The following ZMAT4 variants were observed in gnomAD, a reference collection of about 807,000 sequenced individuals.
The protein encoded by ZMAT4 is zinc finger matrin-type protein 4.
Under a neutral mutation model 28.7 loss-of-function variants are expected in ZMAT4, and 17 were observed. The observed-to-expected ratio is 0.59, with a 90% confidence interval of 0.41 to 0.89. ZMAT4 has a LOEUF of 0.89. ZMAT4 is among the 40% of genes least tolerant of loss of function. The pLI is 0.00. For missense variants in ZMAT4, 240 were observed against 283.8 expected (o/e 0.85, Z 1.11); for synonymous variants, 117 against 109.2 (o/e 1.07, Z -0.44).
intron 3 of ZMAT4, among the ~76,000 whole-genome samples, chr8:40,709,968 G>A (rs1479146407): frequency 6.6e-6 from 1 of 151,538 alleles, no homozygotes; most frequent in East Asian, 1.9e-4. Context: ...AACCCCGGAG[G>A]TGGAGGTGGC....
intron 6 of ZMAT4, among the ~76,000 whole-genome samples, chr8:40,552,011 G>C (rs891315953): frequency 2.0e-5 from 3 of 152,102 alleles, no homozygotes; most frequent in Admixed American, 2.0e-4. Context: ...ACACAAAATC[G>C]CTGCTCAACA....
chr8:40,775,058 A>G (rs1158994859), intron 2 of ZMAT4, among the ~76,000 whole-genome samples: 2 of 152,192 alleles, frequency 1.3e-5, no homozygotes, highest in African/African-American at 4.8e-5. Flanking sequence ...AACAGAGATT[A>G]TATCTGTTGG....
chr8:40,845,682 G>C (rs1816860917), intron 1 of ZMAT4, among the ~76,000 whole-genome samples: 1 of 148,720 alleles, frequency 6.7e-6, no homozygotes, highest in South Asian at 2.1e-4. Context: ...GTGAAAACCT[G>C]TGTTTGCTGT....
At chr8:40,534,107 G>T (rs1399670674) in intron 6 of ZMAT4, among the ~76,000 whole-genome samples, 2 of 152,050 alleles carry the variant, frequency 1.3e-5, no homozygotes, top group African/African-American at 2.4e-5. Flanking sequence ...TATAGTAAAA[G>T]TGGTATATTA....
intron 4 of ZMAT4, among the ~76,000 whole-genome samples, chr8:40,684,608 C>T (rs573329760): frequency 6.6e-6 from 1 of 152,360 alleles, no homozygotes; most frequent in African/African-American, 2.4e-5. Flanking sequence ...GAATGATTTA[C>T]TTATCCGGCA....
chr8:40,564,022 A>G (rs1021673220), intron 6 of ZMAT4, among the ~76,000 whole-genome samples: 5 of 152,102 alleles, frequency 3.3e-5, no homozygotes, highest in African/African-American at 1.2e-4. Context: ...GGATTGTCAG[A>G]GACCACACAT....
At chr8:40,728,922 T>A (rs902674843) in intron 3 of ZMAT4, among the ~76,000 whole-genome samples, 2 of 152,176 alleles carry the variant, frequency 1.3e-5, no homozygotes, top group African/African-American at 4.8e-5. Flanking sequence ...CTGGACTTCA[T>A]ACGAATCGAA....
chr8:40,834,036 ACAC>A (rs1181493490), intron 1 of ZMAT4, among the ~76,000 whole-genome samples: 1 of 152,224 alleles, frequency 6.6e-6, no homozygotes, highest in Non-Finnish European at 1.5e-5. Context: ...TCGCTGACTC[ACAC>A]CACTTGAATA....
Position 40,584,129 on chromosome 8 carries a change from G to A in ZMAT4, c.578-2868C>T, listed in dbSNP as rs898288521. 3.3e-5 allele frequency among the ~76,000 whole-genome samples: 5 copies of A among 152,266 alleles called. No individual in the cohort carries two copies. The South Asian group carries it at 1.0e-3, about 32-fold the overall frequency. On this transcript the variant is annotated intron_variant, in intron 5 of 6. Transcript: ENST00000297737. ...TGGCTTAGTGATTTTGGGGTCCTGA[G>A]TTTATTTTCCTTTCACAAAAGCATC...
chr8:40,538,885 G>A (rs1282711065), intron 6 of ZMAT4, among the ~76,000 whole-genome samples: 4 of 151,622 alleles, frequency 2.6e-5, no homozygotes, highest in East Asian at 1.9e-4. Context: ...TCCTGGGTTC[G>A]AGCGATTCTC....
chr8:40,726,951 A>C (rs1182901506), intron 3 of ZMAT4, among the ~76,000 whole-genome samples: 2 of 152,228 alleles, frequency 1.3e-5, no homozygotes, highest in Non-Finnish European at 2.9e-5. Context: ...TACTGGCCAC[A>C]CACAGGAACA....
At chr8:40,549,104 C>T (rs1045139714) in intron 6 of ZMAT4, among the ~76,000 whole-genome samples, 1 of 152,096 alleles carries the variant, frequency 6.6e-6, no homozygotes. Flanking sequence ...CTTAAAGGAA[C>T]CCTTTTGCCC....
chr8:40,758,190 A>G (rs550561398), intron 3 of ZMAT4, among the ~76,000 whole-genome samples: 1 of 152,168 alleles, frequency 6.6e-6, no homozygotes, highest in African/African-American at 2.4e-5. Context: ...TTATATATAC[A>G]TCTATCCTAT....
In ZMAT4 at chr8:40,697,396, A is replaced by T; in HGVS notation, c.198T>A (p.Ser66Arg). The T allele has an allele frequency of 1.3e-6, 2 of 1,588,126 alleles. No homozygotes were observed. The highest frequency in any genetic ancestry group is 1.7e-6 in the Non-Finnish European group (2 of 1,165,104). The change falls in exon 4 of 7, where the codon AGT (serine) becomes AGA (arginine). Residue 66 changes from serine to arginine, a missense_variant. Transcript: ENST00000297737. ...PAKRLRSENG[S>R]DADMVDKNKC... is the part of the protein sequence containing the mutation. The stretch of plus-strand genomic sequence containing the variant: ...TGTTCTTATCCACCATGTCGGCATC[A>T]CTTCCCTGCGCAGGGAGAAAGAAAG...
chr8:40,681,016 G>A (rs1169861083), intron 4 of ZMAT4, among the ~76,000 whole-genome samples: 2 of 152,124 alleles, frequency 1.3e-5, no homozygotes, highest in Non-Finnish European at 2.9e-5. Flanking sequence ...GTGTGATATT[G>A]TGCAGTTTAC....
intron 1 of ZMAT4, among the ~76,000 whole-genome samples, chr8:40,861,607 G>C (rs1313042018): frequency 6.6e-6 from 1 of 152,162 alleles, no homozygotes; most frequent in Non-Finnish European, 1.5e-5. Context: ...CACAGCAAAA[G>C]AAACTACCAT....
intron 5 of ZMAT4, among the ~76,000 whole-genome samples, chr8:40,590,712 A>AGTGTGT (rs3221714): frequency 0.11 from 16,146 of 150,310 alleles, 1,146 homozygotes; most frequent in East Asian, 0.38. Context: ...TTTCAGTATA[A>AGTGTGT]GTGTGTGTGT....
chr8:40,741,114 A>G (rs571791312), intron 3 of ZMAT4, among the ~76,000 whole-genome samples: 2 of 152,202 alleles, frequency 1.3e-5, no homozygotes, highest in Non-Finnish European at 2.9e-5. Flanking sequence ...TTAAAGAGAA[A>G]TAACAATGGA....
At chr8:40,622,801 C>A (rs141217620) in intron 5 of ZMAT4, among the ~76,000 whole-genome samples, 1 of 152,294 alleles carries the variant, frequency 6.6e-6, no homozygotes, top group African/African-American at 2.4e-5. Flanking sequence ...CAAGACCTTA[C>A]TCATTACCAT....
Sources: gnomAD v4.1 joint callset for allele counts (sites outside exome capture counted in the v4.1 genomes callset) on GRCh38, gnomAD v4.1.1 for gene constraint, MANE v1.5 for transcripts, NCBI Gene and HGNC (gene_info 2026-07-23, HGNC 2026-07-21) for gene names.